The following XYLT1 variants were observed in gnomAD, a reference collection of about 807,000 sequenced individuals.
The protein encoded by XYLT1 is beta-D-xylosyltransferase 1.
Under a neutral mutation model 91.3 loss-of-function variants are expected in XYLT1, and 36 were observed. The ratio of observed to expected loss-of-function variants is 0.39; its 90% CI spans 0.30 to 0.52. The LOEUF (loss-of-function observed/expected upper bound fraction) is 0.52, where lower values mean the gene tolerates loss of function less well. Ranked by LOEUF, XYLT1 falls within the 20% of genes least tolerant of loss-of-function variation. XYLT1 has a pLI of 0.68. For missense variants in XYLT1, 1,242 were observed against 1,284.5 expected, an observed-to-expected ratio of 0.97 and a Z score of 0.51; for synonymous variants, 588 against 532.0, an observed-to-expected ratio of 1.11 and a Z score of -1.45.
chr16:17,326,917 C>A (rs1567375898), intron 2 of XYLT1, among the ~76,000 whole-genome samples: 1 of 152,072 alleles, frequency 6.6e-6, no homozygotes, highest in Non-Finnish European at 1.5e-5. Context: ...AGGATGCTGA[C>A]AACAGAAATT....
intron 3 of XYLT1, among the ~76,000 whole-genome samples, chr16:17,246,744 G>A (rs141804422): frequency 8.7e-4 from 133 of 152,306 alleles, no homozygotes; most frequent in African/African-American, 2.2e-3. Context: ...TCCTAGCCCC[G>A]TGCAGGCAGG....
chr16:17,379,757 T>A (rs1311070381), intron 1 of XYLT1, among the ~76,000 whole-genome samples: 24,270 of 124,794 alleles, frequency 0.19, 2,517 homozygotes, highest in Non-Finnish European at 0.25. Context: ...TCTCTCTCTC[T>A]CTCTCTCACA....
intron 1 of XYLT1, among the ~76,000 whole-genome samples, chr16:17,379,751 TCTCTCTCTC>T (rs2035648827): frequency 8.0e-6 from 1 of 124,446 alleles, no homozygotes; most frequent in African/African-American, 3.2e-5. Flanking sequence ...TCTCTCTCTC[TCTCTCTCTC>T]TCTCACACAC....
At position 17,108,463 on chromosome 16, in the gene XYLT1, T is replaced by C. The variant is rs1966808541; in HGVS notation, c.*232A>G. The C allele has an allele frequency of 6.9e-6, 3 of 436,832 alleles. No homozygotes were observed. Among genetic ancestry groups the C allele is most frequent in the Non-Finnish European group, 1.2e-5 (3 of 248,660 alleles). 27.1% of individuals were successfully genotyped at this position (436,832 alleles called of 1,614,324 possible). The stretch of plus-strand genomic sequence containing the variant: ...GGACTTGAGGATCAACCAGAAGAGG[T>C]GAGACAGTCACAGTGCAGGGACTGA... On this transcript the variant is annotated 3_prime_UTR_variant, in exon 12 of 12. Transcript: ENST00000261381.
intron 3 of XYLT1, among the ~76,000 whole-genome samples, chr16:17,236,937 AG>A (rs1015914727): frequency 3.3e-5 from 5 of 152,236 alleles, no homozygotes; most frequent in African/African-American, 1.2e-4. Flanking sequence ...CCTGGGGCTT[AG>A]GAATTCAACC....
At chr16:17,119,747 C>A (rs1223508027) in intron 10 of XYLT1, among the ~76,000 whole-genome samples, 1 of 152,186 alleles carries the variant, frequency 6.6e-6, no homozygotes, top group South Asian at 2.1e-4. Context: ...TGAGATAACT[C>A]GCTATGGTCA....
chr16:17,401,301 C>A (rs897414060), intron 1 of XYLT1, among the ~76,000 whole-genome samples: 1 of 152,112 alleles, frequency 6.6e-6, no homozygotes, highest in Non-Finnish European at 1.5e-5. Flanking sequence ...ATGGAGCCAC[C>A]CGGGGTGGGA....
At chr16:17,150,054 G>T (rs1456490815) in intron 6 of XYLT1, among the ~76,000 whole-genome samples, 2 of 152,216 alleles carry the variant, frequency 1.3e-5, no homozygotes, top group Non-Finnish European at 2.9e-5. Flanking sequence ...GTCTGGCAGA[G>T]CAATGATATT....
At chr16:17,222,663 A>G (rs1051557684) in intron 3 of XYLT1, among the ~76,000 whole-genome samples, 5 of 151,712 alleles carry the variant, frequency 3.3e-5, no homozygotes, top group Admixed American at 3.3e-4. Context: ...AGTGGTGTAC[A>G]CCCATAATCC....
At chr16:17,460,752 C>A (rs1053219356) in intron 1 of XYLT1, among the ~76,000 whole-genome samples, 1 of 152,162 alleles carries the variant, frequency 6.6e-6, no homozygotes, top group East Asian at 1.9e-4. Context: ...TAAAAGAATT[C>A]CAAAAATCTA....
At chr16:17,110,289 G>T (rs1411269031) in intron 11 of XYLT1, among the ~76,000 whole-genome samples, 1 of 152,184 alleles carries the variant, frequency 6.6e-6, no homozygotes, top group African/African-American at 2.4e-5. Context: ...TGGTTTGGCC[G>T]TGTCCCCACC....
intron 1 of XYLT1, among the ~76,000 whole-genome samples, chr16:17,446,964 C>G (rs914095467): frequency 6.6e-5 from 10 of 152,206 alleles, no homozygotes; most frequent in Non-Finnish European, 2.9e-5. Context: ...AGAGGACGCT[C>G]TCATCCCTGT....
chr16:17,327,565 T>C (rs2034827725), intron 2 of XYLT1, among the ~76,000 whole-genome samples: 1 of 138,836 alleles, frequency 7.2e-6, no homozygotes, highest in African/African-American at 2.7e-5. Flanking sequence ...AGTTTCACCG[T>C]GTTAGCCAGG....
At chr16:17,157,781 C>T (rs917616454) in intron 6 of XYLT1, among the ~76,000 whole-genome samples, 6 of 152,164 alleles carry the variant, frequency 3.9e-5, no homozygotes, top group African/African-American at 1.4e-4. Context: ...TGGAGTCTCA[C>T]TCTCTTGCCC....
chr16:17,388,326 T>C (rs968888415), intron 1 of XYLT1, among the ~76,000 whole-genome samples: 3 of 152,150 alleles, frequency 2.0e-5, no homozygotes, highest in Non-Finnish European at 4.4e-5. Flanking sequence ...CAACGTAAAG[T>C]TGTAAGTCAA....
At chr16:17,226,751 C>T (rs1476921370) in intron 3 of XYLT1, among the ~76,000 whole-genome samples, 1 of 152,172 alleles carries the variant, frequency 6.6e-6, no homozygotes, top group Non-Finnish European at 1.5e-5. Flanking sequence ...CCACTGTACT[C>T]CAGCCTGGAT....
Position 17,312,365 on chromosome 16 carries a change from T to G in XYLT1, c.402+45647A>C, listed in dbSNP as rs1260288953. On this transcript the variant is annotated intron_variant, in intron 2 of 11. Transcript: ENST00000261381. This position sits in a 1 kb window ranked among gnomAD's most constrained non-coding sequence, Gnocchi z 4.4. ...TGTGAAGGACTCAATGAAACATCCC[T>G]GAAATCCTCATGATCATCAGGGCTG... Among the ~76,000 whole-genome samples the G allele has an allele frequency of 1.3e-5, 2 of 152,182 alleles. No individual in the cohort carries two copies. Among genetic ancestry groups the G allele is most frequent in the East Asian group, 3.9e-4 (2 of 5,194 alleles).
chr16:17,291,059 T>G (rs1030026176), intron 2 of XYLT1, among the ~76,000 whole-genome samples: 3 of 152,242 alleles, frequency 2.0e-5, no homozygotes, highest in Admixed American at 1.3e-4. Context: ...TTCAGCCTTC[T>G]GAGTAGCAAG....
At chr16:17,379,757 TCTCTCTCACACACACACACACA>T (rs987160959) in intron 1 of XYLT1, among the ~76,000 whole-genome samples, 4 of 129,924 alleles carry the variant, frequency 3.1e-5, no homozygotes, top group African/African-American at 1.4e-4. Context: ...TCTCTCTCTC[TCTCTCTCACACACACACACACA>T]CACACACACA....
Sources: gnomAD v4.1 joint callset for allele counts (sites outside exome capture counted in the v4.1 genomes callset) on GRCh38, gnomAD v4.1.1 for gene constraint, Gnocchi (gnomAD v3.1) non-coding constraint, MANE v1.5 for transcripts, NCBI Gene and HGNC (gene_info 2026-07-23, HGNC 2026-07-21) for gene names.